The following CSMD1 variants were observed in gnomAD, a reference collection of about 807,000 sequenced individuals.
CSMD1 encodes CUB and sushi domain-containing protein 1.
Under a neutral mutation model 417.5 loss-of-function variants are expected in CSMD1, and 213 were observed. That is an observed-to-expected ratio of 0.51 (90% CI 0.46 to 0.57). The LOEUF (loss-of-function observed/expected upper bound fraction) is 0.57, where lower values mean the gene tolerates loss of function less well. CSMD1 is among the 20% of genes least tolerant of loss of function. CSMD1 has a pLI of 0.00. For missense variants in CSMD1, 6,923 were observed against 4,529.7 expected (o/e 1.53, Z -15.17); for synonymous variants, 2,862 against 1,736.8 (o/e 1.65, Z -16.11).
chr8:3,113,556 G>A (rs1009408879), intron 42 of CSMD1, among the ~76,000 whole-genome samples: 3 of 152,184 alleles, frequency 2.0e-5, no homozygotes, highest in African/African-American at 7.2e-5. Context: ...TGAATGTCAC[G>A]CCCAATGGGA....
chr8:4,051,132 G>T (rs1017568231), intron 3 of CSMD1, among the ~76,000 whole-genome samples: 5 of 152,006 alleles, frequency 3.3e-5, no homozygotes, highest in East Asian at 1.9e-4. Flanking sequence ...GAAAAGAAAA[G>T]AAAAGAAAAA....
Position 4,453,958 on chromosome 8 carries a change from A to T in CSMD1, c.303-33893T>A, listed in dbSNP as rs922500731. Among the ~76,000 whole-genome samples the T allele has an allele frequency of 4.0e-5, 6 of 150,370 alleles. No homozygotes were observed. The Admixed American group carries it at 4.0e-4, about 10-fold the overall frequency. ...TGCCTCAGCCTCCCGAGTAGCTGGG[A>T]CTACAGGCGCCCGCCACCGCGCCCG... is the stretch of plus-strand genomic sequence containing the variant. On this transcript the variant is annotated intron_variant, in intron 2 of 69. Coordinates refer to ENST00000635120, the MANE Select transcript of CSMD1 (RefSeq NM_033225.6).
rs1033076163 is a variant in CSMD1 at position 4,025,583 on chromosome 8, T to C, written c.610+6322A>G. ...AGACAGACATCATGCCTGTAAGAAG[T>C]GAAACAGTAAATCCTTTTTAAGACT... On this transcript the variant is annotated intron_variant, in intron 4 of 69. Coordinates refer to ENST00000635120, the MANE Select transcript of CSMD1 (RefSeq NM_033225.6). 2.6e-5 allele frequency among the ~76,000 whole-genome samples: 4 copies of C among 152,256 alleles called. No individual in the cohort carries two copies. In the East Asian group the frequency reaches 5.8e-4, roughly 22 times the overall value.
intron 59 of CSMD1, 111 bp from the exon 60 acceptor site, chr8:2,963,506 G>GT (rs978781914): frequency 1.9e-5 from 20 of 1,030,754 alleles, no homozygotes; most frequent in Middle Eastern, 2.5e-4. Context: ...ATCTACATAG[G>GT]TTTTTAAAAA....
chr8:4,950,836 C>T (rs1459459209), intron 1 of CSMD1, among the ~76,000 whole-genome samples: 1 of 152,092 alleles, frequency 6.6e-6, no homozygotes, highest in Admixed American at 6.6e-5. Flanking sequence ...AGGAGCACCA[C>T]TCAACCACTC....
intron 37 of CSMD1, among the ~76,000 whole-genome samples, chr8:3,170,260 T>C (rs368785127): frequency 1.2e-4 from 19 of 152,308 alleles, no homozygotes; most frequent in Admixed American, 3.3e-4. Flanking sequence ...CAGGCTGGAG[T>C]GCAGTGGTGT....
At chr8:3,989,015 A>C (rs1206882953) in intron 5 of CSMD1, among the ~76,000 whole-genome samples, 1 of 152,238 alleles carries the variant, frequency 6.6e-6, no homozygotes, top group Non-Finnish European at 1.5e-5. Context: ...CCATTGTTCA[A>C]AACACATTCT....
intron 1 of CSMD1, among the ~76,000 whole-genome samples, chr8:4,753,921 C>A (rs867132064): frequency 9.2e-5 from 14 of 152,186 alleles, no homozygotes; most frequent in South Asian, 4.1e-4. Flanking sequence ...CTGTTACCAG[C>A]ACATGCGAGA....
At chr8:4,373,885 G>C (rs1448112666) in intron 3 of CSMD1, among the ~76,000 whole-genome samples, 3 of 152,172 alleles carry the variant, frequency 2.0e-5, no homozygotes, top group Admixed American at 2.0e-4. Flanking sequence ...TAACGCAGAA[G>C]CTGTTAGTGA....
intron 3 of CSMD1, among the ~76,000 whole-genome samples, chr8:4,316,820 C>T (rs1232919331): frequency 6.6e-6 from 1 of 152,026 alleles, no homozygotes; most frequent in African/African-American, 2.4e-5. Context: ...AGTCAGCACT[C>T]GGTAAACGCA....
chr8:2,939,389 G>A (rs1233967217), intron 69 of CSMD1, among the ~76,000 whole-genome samples: 6 of 152,234 alleles, frequency 3.9e-5, no homozygotes, highest in Admixed American at 2.6e-4. Flanking sequence ...AGTTAAAAAT[G>A]AATCTTTATA....
At position 3,856,780 on chromosome 8, in the gene CSMD1, G is replaced by A. The variant is rs1208830463; in HGVS notation, c.819-102738C>T. Among the ~76,000 whole-genome samples, 6 of 152,142 alleles carry A rather than the reference G, an allele frequency of 3.9e-5. No individual in the cohort carries two copies. The East Asian group carries it at 1.2e-3, about 29-fold the overall frequency. ...GGTGTCTTTGTCTCTGAAGGAGACT[G>A]AGCATATTACAGATACAGGCTACTC... On this transcript the variant is annotated intron_variant, in intron 5 of 69. Transcript: ENST00000635120.
intron 5 of CSMD1, among the ~76,000 whole-genome samples, chr8:3,847,405 G>A (rs1803580392): frequency 1.3e-5 from 2 of 152,164 alleles, no homozygotes; most frequent in South Asian, 4.1e-4. Flanking sequence ...ACTGCCCAGT[G>A]TGGGGAGGGA....
At chr8:3,722,515 T>A (rs1177545828) in intron 6 of CSMD1, among the ~76,000 whole-genome samples, 1 of 152,176 alleles carries the variant, frequency 6.6e-6, no homozygotes, top group African/African-American at 2.4e-5. Context: ...CTGTCTTACC[T>A]TTGAGTTTTT....
chr8:4,936,411 C>G (rs1363742359), intron 1 of CSMD1, among the ~76,000 whole-genome samples: 2 of 152,084 alleles, frequency 1.3e-5, no homozygotes, highest in Non-Finnish European at 2.9e-5. Context: ...AAGATGTACT[C>G]AAATTGATAT....
chr8:4,735,614 C>T (rs750730920), intron 1 of CSMD1, among the ~76,000 whole-genome samples: 3 of 152,162 alleles, frequency 2.0e-5, no homozygotes, highest in Non-Finnish European at 4.4e-5. Flanking sequence ...TATAATACTA[C>T]TAGCAATGAT....
chr8:3,616,210 G>C (rs563759089), intron 8 of CSMD1, among the ~76,000 whole-genome samples: 1 of 152,164 alleles, frequency 6.6e-6, no homozygotes, highest in East Asian at 1.9e-4. Context: ...ATCTCCACAT[G>C]TCATGGGAGG....
intron 5 of CSMD1, among the ~76,000 whole-genome samples, chr8:3,893,066 G>A (rs1328482658): frequency 6.6e-6 from 1 of 151,792 alleles, no homozygotes; most frequent in East Asian, 1.9e-4. Flanking sequence ...GACCAAGTAT[G>A]CTGGAGAAAT....
At chr8:2,949,270 C>T (rs981827269) in intron 68 of CSMD1, 29 bp downstream of exon 68, 5 of 1,305,828 alleles carry the variant, frequency 3.8e-6, no homozygotes, top group African/African-American at 2.9e-5. Flanking sequence ...CTGATATTTG[C>T]TTTAAAATAT....
Sources: allele counts gnomAD v4.1 joint callset (sites outside exome capture counted in the v4.1 genomes callset), GRCh38; gene constraint gnomAD v4.1.1; transcripts MANE v1.5; gene names NCBI Gene and HGNC (gene_info 2026-07-23, HGNC 2026-07-21).